PRKAR1B: variants seen among roughly 807,000 people sequenced by gnomAD.
PRKAR1B encodes the protein cAMP-dependent protein kinase type I-beta regulatory subunit.
In PRKAR1B, 22 loss-of-function variants were observed where a neutral mutation model predicts 46.5. The ratio of observed to expected loss-of-function variants is 0.47; its 90% CI spans 0.34 to 0.68. The LOEUF (loss-of-function observed/expected upper bound fraction) is 0.68. Among genes scored for constraint, PRKAR1B ranks in the 30% least tolerant of loss-of-function variants. PRKAR1B has a pLI of 0.01. For missense variants in PRKAR1B, 445 were observed against 535.6 expected (o/e 0.83, Z 1.67); for synonymous variants, 259 against 217.7 (o/e 1.19, Z -1.67).
intron 2 of PRKAR1B, among the ~76,000 whole-genome samples, chr7:689,177 G>A (rs945698215): frequency 8.6e-5 from 13 of 151,900 alleles, no homozygotes; most frequent in East Asian, 1.9e-4. Flanking sequence ...GTGCAGTGGC[G>A]CGATCTCGGC....
chr7:676,440 A>G (rs1016727180), intron 4 of PRKAR1B, among the ~76,000 whole-genome samples: 6 of 152,058 alleles, frequency 3.9e-5, no homozygotes, highest in Admixed American at 2.0e-4. Flanking sequence ...CATCTCCCCA[A>G]CGAGGCTGTG....
At chr7:649,580 T>C (rs941694039) in intron 4 of PRKAR1B, among the ~76,000 whole-genome samples, 2 of 152,242 alleles carry the variant, frequency 1.3e-5, no homozygotes, top group African/African-American at 2.4e-5. Flanking sequence ...TATTTATTTA[T>C]TTATTTTTAT....
At chr7:660,621 C>G (rs1346293880) in intron 4 of PRKAR1B, among the ~76,000 whole-genome samples, 2 of 122,208 alleles carry the variant, frequency 1.6e-5, no homozygotes, top group Admixed American at 8.2e-5. Flanking sequence ...ACTCTCCCCC[C>G]CATAGCACAA....
chr7:687,804 A>T (rs1245612103), intron 2 of PRKAR1B, among the ~76,000 whole-genome samples: 25 of 152,208 alleles, frequency 1.6e-4, no homozygotes, highest in Admixed American at 1.6e-3. Context: ...CCAGAAAAAA[A>T]GGCATTACCG....
intron 4 of PRKAR1B, among the ~76,000 whole-genome samples, chr7:636,298 CCT>C (rs1231494739): frequency 7.1e-3 from 59 of 8,348 alleles, no homozygotes; most frequent in Middle Eastern, 0.056. Flanking sequence ...CCGGCCGCGC[CCT>C]CACGTCCTCC....
chr7:583,699 C>G (rs1049754590), intron 8 of PRKAR1B, among the ~76,000 whole-genome samples: 10 of 52,656 alleles, frequency 1.9e-4, no homozygotes, highest in Non-Finnish European at 3.7e-4. Flanking sequence ...CACTCACACC[C>G]TCACACACGT....
intron 4 of PRKAR1B, among the ~76,000 whole-genome samples, chr7:613,112 T>C (rs1400453173): frequency 6.6e-6 from 1 of 152,038 alleles, no homozygotes; most frequent in African/African-American, 2.4e-5. Context: ...TCGATGAAAC[T>C]GTACAATTTA....
intron 4 of PRKAR1B, among the ~76,000 whole-genome samples, chr7:645,830 G>A (rs1784594900): frequency 6.6e-6 from 1 of 152,154 alleles, no homozygotes; most frequent in African/African-American, 2.4e-5. Context: ...GCCCCAGGGA[G>A]TACAGGCAGG....
At chr7:628,882 A>C (rs187278635) in intron 4 of PRKAR1B, among the ~76,000 whole-genome samples, 28 of 107,630 alleles carry the variant, frequency 2.6e-4, no homozygotes, top group African/African-American at 8.7e-4. Context: ...AGTCAGGCTC[A>C]AGGACCCCTC....
At chr7:672,323 TG>T (rs1164427346) in intron 4 of PRKAR1B, among the ~76,000 whole-genome samples, 1 of 151,900 alleles carries the variant, frequency 6.6e-6, no homozygotes, top group Non-Finnish European at 1.5e-5. Context: ...GCCTAATTTT[TG>T]TATTTTTAGT....
At chr7:656,583 AATGG>A (rs1785206043) in intron 4 of PRKAR1B, among the ~76,000 whole-genome samples, 1 of 147,232 alleles carries the variant, frequency 6.8e-6, no homozygotes, top group African/African-American at 2.5e-5. Flanking sequence ...TGGATGAATG[AATGG>A]ATAAATGGAA....
At chr7:715,920 T>G (rs575890329) in intron 1 of PRKAR1B, among the ~76,000 whole-genome samples, 2 of 152,146 alleles carry the variant, frequency 1.3e-5, no homozygotes, top group Admixed American at 6.5e-5. Context: ...TTTCACCGTG[T>G]TAGCCAGGAT....
chr7:579,124 C>T lies in PRKAR1B; in HGVS notation c.891+132G>A, dbSNP rs1388558543. 1.2e-5 allele frequency: 18 copies of T among 1,557,874 alleles called. No homozygotes were observed. The South Asian group carries it at 1.2e-4, about 10-fold the overall frequency. ...CAGACCACCCACCCCATGGAGGCCC[C>T]GGACGGGCGTGCGGTCACAGGGCAG... On this transcript the variant is annotated intron_variant, in intron 9 of 10. Coordinates refer to ENST00000537384, the MANE Select transcript of PRKAR1B (RefSeq NM_001164760.2).
chr7:660,475 A>AC (rs1785453255), intron 4 of PRKAR1B, among the ~76,000 whole-genome samples: 1 of 60,220 alleles, frequency 1.7e-5, no homozygotes, highest in Non-Finnish European at 3.4e-5. Context: ...CTCTGCCCCC[A>AC]ATGCCACAGG....
At chr7:572,357 G>T (rs1306980279) in intron 9 of PRKAR1B, among the ~76,000 whole-genome samples, 1 of 152,192 alleles carries the variant, frequency 6.6e-6, no homozygotes, top group East Asian at 1.9e-4. Context: ...GACAGCGGGC[G>T]TGACCCCGTG....
chr7:697,551 G>A (rs1037754444), intron 2 of PRKAR1B, among the ~76,000 whole-genome samples: 3 of 152,108 alleles, frequency 2.0e-5, no homozygotes, highest in Non-Finnish European at 2.9e-5. Flanking sequence ...GCAGTTCCAT[G>A]AGCGGCCCTA....
At chr7:580,261 A>AG (rs1780096943) in intron 8 of PRKAR1B, among the ~76,000 whole-genome samples, 1 of 151,400 alleles carries the variant, frequency 6.6e-6, no homozygotes, top group Non-Finnish European at 1.5e-5. Context: ...AAAGAAAAAA[A>AG]CAGAAAAACT....
rs1432096874 is a variant in PRKAR1B at position 707,000 on chromosome 7, G to A, written c.177+4329C>T. Among the ~76,000 whole-genome samples the A allele has an allele frequency of 2.6e-5, 4 of 152,312 alleles. No homozygotes were observed. The East Asian group carries it at 5.8e-4, about 22-fold the overall frequency. ...AGACCTCACCCTCTCCACCAGGGCT[G>A]CCGCCCTACCCAGAGGCACACTTCC... On this transcript the variant is annotated intron_variant, in intron 2 of 10. Coordinates refer to ENST00000537384, the MANE Select transcript of PRKAR1B (RefSeq NM_001164760.2).
intron 4 of PRKAR1B, among the ~76,000 whole-genome samples, chr7:628,035 T>C (rs898784383): frequency 1.4e-5 from 2 of 147,854 alleles, no homozygotes; most frequent in African/African-American, 5.0e-5. Context: ...GGGACAGCGG[T>C]GGGGGGAGTG....
Sources: allele counts gnomAD v4.1 joint callset (sites outside exome capture counted in the v4.1 genomes callset), GRCh38; gene constraint gnomAD v4.1.1; transcripts MANE v1.5; gene names NCBI Gene and HGNC (gene_info 2026-07-23, HGNC 2026-07-21).